Variants in EML4 observed in about 807,000 individuals in gnomAD.
EML4 encodes EMAP like 4.
Under a neutral mutation model 129.0 loss-of-function variants are expected in EML4, and 72 were observed. The observed-to-expected ratio is 0.56, with a 90% CI of 0.46 to 0.68. The LOEUF is 0.68. Among genes scored for constraint, EML4 ranks in the 30% least tolerant of loss-of-function variants. The probability of loss-of-function intolerance (pLI) is 0.00; values close to 1 mark genes in which losing one functional copy is unlikely to be tolerated. For synonymous variants in EML4, 532 were observed against 405.0 expected, an observed-to-expected ratio of 1.31 and a Z score of -3.77; for missense variants, 1,363 against 1,190.6, an observed-to-expected ratio of 1.14 and a Z score of -2.13.
At chr2:42,291,574 T>C (rs1344672893) in intron 11 of EML4, among the ~76,000 whole-genome samples, 2 of 152,006 alleles carry the variant, frequency 1.3e-5, no homozygotes, top group Non-Finnish European at 2.9e-5. Flanking sequence ...CAGCTAATTT[T>C]TGTATTTTTT....
At chr2:42,213,260 C>A (rs1014128646) in intron 1 of EML4, among the ~76,000 whole-genome samples, 7 of 152,146 alleles carry the variant, frequency 4.6e-5, no homozygotes, top group Admixed American at 1.3e-4. Flanking sequence ...CACTACTACT[C>A]CCCCTCCCAC....
At chr2:42,306,483 C>CTT (rs1668598358) in intron 17 of EML4, among the ~76,000 whole-genome samples, 2 of 95,454 alleles carry the variant, frequency 2.1e-5, no homozygotes, top group Non-Finnish European at 4.6e-5. Flanking sequence ...TGTGCTAAAT[C>CTT]CTTTTTTTTT....
intron 1 of EML4, among the ~76,000 whole-genome samples, chr2:42,200,444 T>G (rs1672162396): frequency 1.3e-5 from 2 of 152,258 alleles, no homozygotes; most frequent in South Asian, 2.1e-4. Flanking sequence ...TTTTTGAATT[T>G]GGCATAAATG....
chr2:42,303,298 G>A lies in EML4; in HGVS notation c.1768-17G>A. ...TATTCTTTGGTTCTTATAACAATGA[G>A]TGTCTTTCATTTTCAGGGTCATACA... On this transcript the variant is annotated splice_polypyrimidine_tract_variant and intron_variant, in intron 15 of 22. Coordinates refer to ENST00000318522, the MANE Select transcript of EML4 (RefSeq NM_019063.5). The A allele has an allele frequency of 6.2e-7, 1 of 1,614,076 alleles. No individual in the cohort carries two copies. Among genetic ancestry groups the A allele is most frequent in the Admixed American group, 1.7e-5 (1 of 60,006 alleles).
intron 6 of EML4, among the ~76,000 whole-genome samples, chr2:42,280,542 A>G (rs1286083766): frequency 2.6e-5 from 4 of 152,246 alleles, no homozygotes; most frequent in Admixed American, 6.5e-5. Context: ...AACTATTTAC[A>G]TAGCATTCAC....
rs779016969 is a variant in EML4 at position 42,172,235 on chromosome 2, CAG to C, written c.25+2601_25+2602del. Among the ~76,000 whole-genome samples, 16 of 152,080 alleles carry C rather than the reference CAG, an allele frequency of 1.1e-4. No individual in the cohort carries two copies. In the East Asian group the frequency reaches 1.2e-3, roughly 11 times the overall value. ...GCAGAAAAATTGAGTACTTTATAAA[CAG>C]AATAATTTTAGAGAAGAGATTATTT... On this transcript the variant is annotated intron_variant, in intron 1 of 22. Coordinates refer to ENST00000318522, the MANE Select transcript of EML4 (RefSeq NM_019063.5).
chr2:42,192,876 G>T (rs1038270762), intron 1 of EML4, among the ~76,000 whole-genome samples: 3 of 152,122 alleles, frequency 2.0e-5, no homozygotes, highest in Admixed American at 2.0e-4. Flanking sequence ...TGGTGCATCT[G>T]CAGAAAGCAT....
intron 21 of EML4, among the ~76,000 whole-genome samples, chr2:42,326,985 T>C (rs1210410500): frequency 2.0e-5 from 3 of 152,158 alleles, no homozygotes; most frequent in Non-Finnish European, 4.4e-5. Flanking sequence ...AGAAACTCTG[T>C]ACCCATTAAC....
At chr2:42,186,235 G>A (rs1236500650) in intron 1 of EML4, among the ~76,000 whole-genome samples, 2 of 151,992 alleles carry the variant, frequency 1.3e-5, no homozygotes, top group East Asian at 1.9e-4. Flanking sequence ...AGGAGATGCC[G>A]AACTACGTTA....
rs760686911 is a variant in EML4, at chr2:42,330,040, C to G, written c.2779C>G (p.Leu927Val). ...TTCTCCCACACTTCTGGAGAACAGC[C>G]TGGAACAAACTGTGGAGCCAAGTGA... The part of the protein sequence containing the change: ...SSSPTLLENS[L>V]EQTVEPSEDH... Residue 927 changes from leucine to valine, a missense_variant, in exon 23 of 23, where the codon CTG (leucine) becomes GTG (valine). Physicochemically the swap from Leu to Val is conservative, Grantham distance 32 (BLOSUM62 1). Transcript: ENST00000318522. 1.9e-5 allele frequency: 31 copies of G among 1,613,320 alleles called. No homozygotes were observed.
intron 1 of EML4, among the ~76,000 whole-genome samples, chr2:42,200,256 C>T (rs1364794994): frequency 2.6e-5 from 4 of 151,680 alleles, no homozygotes; most frequent in East Asian, 1.9e-4. Context: ...ACCCGGGAGG[C>T]GGAGCTTGCA....
In EML4 at chr2:42,277,805, G is replaced by A. The variant is rs768044027; in HGVS notation, c.668-3045G>A. On this transcript the variant is annotated intron_variant, in intron 6 of 22. Transcript: ENST00000318522. ...GCTGGTCTCAAACTCCTGACCTCGT[G>A]ATCTGTCTGCCTCGGCCTCCCAAAG... 3.9e-5 allele frequency among the ~76,000 whole-genome samples: 6 copies of A among 152,142 alleles called. No homozygotes were observed. In the South Asian group the frequency reaches 6.2e-4, roughly 16 times the overall value.
intron 1 of EML4, among the ~76,000 whole-genome samples, chr2:42,214,842 A>G (rs951442099): frequency 2.6e-5 from 4 of 152,178 alleles, no homozygotes; most frequent in Non-Finnish European, 4.4e-5. Flanking sequence ...GTTCTCCTGG[A>G]GAAAGTATTC....
chr2:42,239,192 C>T (rs1674864950), intron 1 of EML4, among the ~76,000 whole-genome samples: 1 of 152,084 alleles, frequency 6.6e-6, no homozygotes, highest in Non-Finnish European at 1.5e-5. Context: ...GGTGTGCCCC[C>T]ACTAAGAAAA....
intron 1 of EML4, among the ~76,000 whole-genome samples, chr2:42,219,360 A>AT (rs1473545882): frequency 1.3e-5 from 2 of 152,254 alleles, no homozygotes; most frequent in South Asian, 2.1e-4. Flanking sequence ...AGGGCTGACT[A>AT]TGGGACTTGA....
intron 3 of EML4, among the ~76,000 whole-genome samples, chr2:42,258,716 G>C (rs1453532019): frequency 1.3e-5 from 2 of 148,742 alleles, no homozygotes; most frequent in Non-Finnish European, 3.0e-5. Context: ...GTATTTCTTA[G>C]CACCTGCTTT....
chr2:42,243,595 T>C (rs527653255), intron 1 of EML4, among the ~76,000 whole-genome samples: 1 of 152,214 alleles, frequency 6.6e-6, no homozygotes, highest in Non-Finnish European at 1.5e-5. Flanking sequence ...CTAGTTAATA[T>C]GGAACCAGAA....
rs1013449419 is a variant in EML4 at position 42,256,649 on chromosome 2, G to C, written c.338+19G>C. 6.2e-7 allele frequency: 1 copy of C among 1,612,146 alleles called. No individual in the cohort carries two copies. Among genetic ancestry groups the C allele is most frequent in the African/African-American group, 1.3e-5 (1 of 74,908 alleles). ...CTAAAAGGTACCCATTTATGAAAGG[G>C]GGAAAAACTAACATTGCAGAATTGT... On this transcript the variant is annotated intron_variant, in intron 3 of 22. Transcript: ENST00000318522.
chr2:42,284,714 T>C lies in EML4; in HGVS notation c.1011+11T>C. On this transcript the variant is annotated intron_variant, in intron 9 of 22. Coordinates refer to ENST00000318522, the MANE Select transcript of EML4 (RefSeq NM_019063.5). Reference sequence around the variant, plus strand: ...GATAAAGATGGAAGGGTGAGTGGCATAGTGTTATGCCTTCTGTACCTAGAG... The same window carrying C: ...GATAAAGATGGAAGGGTGAGTGGCACAGTGTTATGCCTTCTGTACCTAGAG... 1 of 1,606,324 alleles carries C rather than the reference T, an allele frequency of 6.2e-7. No individual in the cohort carries two copies. Among genetic ancestry groups the C allele is most frequent in the South Asian group, 1.1e-5 (1 of 90,394 alleles).
Sources: allele counts gnomAD v4.1 joint callset (sites outside exome capture counted in the v4.1 genomes callset), GRCh38; gene constraint gnomAD v4.1.1; transcripts MANE v1.5; gene names NCBI Gene and HGNC (gene_info 2026-07-23, HGNC 2026-07-21).